RSRP1: variants seen among roughly 807,000 people sequenced by gnomAD.
RSRP1 encodes arginine/serine-rich protein 1.
A neutral mutation model predicts 33.0 loss-of-function variants in RSRP1; 37 were observed. The ratio of observed to expected loss-of-function variants is 1.12; its 90% CI spans 0.86 to 1.48. The LOEUF is 1.48. Among genes scored for constraint, RSRP1 ranks in the 40% most tolerant of loss-of-function variants. The pLI, the probability that RSRP1 is intolerant of heterozygous loss-of-function variation, is 0.00. For synonymous variants in RSRP1, 167 were observed against 158.7 expected (o/e 1.05, Z -0.40); for missense variants, 402 against 385.3 (o/e 1.04, Z -0.36).
chr1:25,338,128 G>C (rs1317301520), upstream of RSRP1: 3 of 152,002 alleles, frequency 2.0e-5, no homozygotes, highest in Admixed American at 6.6e-5. Flanking sequence ...TCAGCACACA[G>C]AGCAACTTCT....
chr1:25,248,574 T>C (rs1448175343), upstream of RSRP1, among the ~76,000 whole-genome samples: 1 of 152,098 alleles, frequency 6.6e-6, no homozygotes, highest in East Asian at 1.9e-4. Context: ...CCTCCTGAAG[T>C]TTTGGGATTA....
intron 1 of RSRP1, among the ~76,000 whole-genome samples, chr1:25,303,664 A>G: frequency 7.7e-6 from 1 of 130,138 alleles, no homozygotes; most frequent in Non-Finnish European, 1.8e-5. Flanking sequence ...AACCCATTTG[A>G]GCTTGCTTGG....
intron 1 of RSRP1, among the ~76,000 whole-genome samples, chr1:25,259,578 C>T (rs1414123681): frequency 6.6e-6 from 1 of 152,018 alleles, no homozygotes; most frequent in Non-Finnish European, 1.5e-5. Context: ...TCTCAGCTCG[C>T]CGCAACCTCC....
rs1464303287 is a variant in RSRP1 at position 25,268,963 on chromosome 1, A to T, written c.-66-21934T>A. On this transcript the variant is annotated intron_variant, in intron 1 of 1. Coordinates refer to the RSRP1 transcript ENST00000561867. ...AACTTCATCTCAAAAAAAAAAAAAA[A>T]AATAGGGCAGTCAGGGAAAACTTTC... Among the ~76,000 whole-genome samples the T allele has an allele frequency of 6.2e-5, 8 of 129,422 alleles. 2 individuals carry two copies. Among genetic ancestry groups the T allele is most frequent in the African/African-American group, 2.1e-4 (8 of 37,982 alleles). 84.9% of individuals were successfully genotyped at this position (129,422 alleles called of 152,430 possible).
chr1:25,285,326 G>A (rs1392131373), intron 1 of RSRP1, among the ~76,000 whole-genome samples: 1 of 133,774 alleles, frequency 7.5e-6, no homozygotes, highest in Non-Finnish European at 1.8e-5. Flanking sequence ...TAGAGATAGG[G>A]TTTCTCCGTG....
In RSRP1 at chr1:25,288,624, T is replaced by A. The variant is rs1228075513; in HGVS notation, c.-66-41595A>T. Among the ~76,000 whole-genome samples the A allele has an allele frequency of 3.1e-5, 4 of 127,336 alleles. 1 individual carries two copies. Among genetic ancestry groups the A allele is most frequent in the Admixed American group, 3.1e-4 (4 of 12,962 alleles). 83.5% of individuals were successfully genotyped at this position (127,336 alleles called of 152,430 possible). ...GGCTCCAGAGGCATTGGGTCCACCT[T>A]ATAAATGGAGGCACCAAGGCACAGA... On this transcript the variant is annotated intron_variant, in intron 1 of 1. Coordinates refer to the RSRP1 transcript ENST00000561867.
At chr1:25,289,070 GATTTGAACCTCAC>G (rs1166397333) in intron 1 of RSRP1, among the ~76,000 whole-genome samples, 1 of 132,564 alleles carries the variant, frequency 7.5e-6, no homozygotes, top group Non-Finnish European at 1.8e-5. Flanking sequence ...AGGCCAGCTG[GATTTGAACCTCAC>G]ATTTGTGATC....
chr1:25,287,627 G>A lies in RSRP1; in HGVS notation c.-66-40598C>T, dbSNP rs187623412. Among the ~76,000 whole-genome samples the A allele has an allele frequency of 3.2e-3, 428 of 135,556 alleles. 3 individuals are homozygous for A. Among genetic ancestry groups the A allele is most frequent in the African/African-American group, 9.8e-3 (387 of 39,350 alleles). 88.9% of individuals were successfully genotyped at this position (135,556 alleles called of 152,430 possible). On this transcript the variant is annotated intron_variant, in intron 1 of 1. Transcript: ENST00000561867. ...AGGGGAGGGGCCTATCTTATTCAAC[G>A]TTGTTGTTTGTTTTCCTCACATACT...
At chr1:25,245,345 T>C in intron 2 of RSRP1, 44 bp from the exon 3 acceptor site, 1 of 1,563,080 alleles carries the variant, frequency 6.4e-7, no homozygotes, top group South Asian at 1.1e-5. Flanking sequence ...ATTAATCTGG[T>C]AGTTATTTCC....
At chr1:25,290,490 C>T in intron 1 of RSRP1, 1 of 725,938 alleles carries the variant, frequency 1.4e-6, no homozygotes, top group South Asian at 1.7e-5. Flanking sequence ...CATCAGCGCC[C>T]AGGTGGGTAG....
At chr1:25,297,834 G>A (rs1643076792) in intron 1 of RSRP1, among the ~76,000 whole-genome samples, 1 of 131,804 alleles carries the variant, frequency 7.6e-6, no homozygotes, top group Admixed American at 7.4e-5. Flanking sequence ...AGTATGGACA[G>A]TTTTAAAAAA....
At position 25,320,508 on chromosome 1, in the gene RSRP1, C is replaced by T. The variant is rs1310214984; in HGVS notation, c.-67+17470G>A. Reference sequence around the variant, plus strand: ...ACTGCGTCATGCTGGTTGTACCCTGCATGCCAATATCAGCTAAAAGCAGCA... The same window carrying T: ...ACTGCGTCATGCTGGTTGTACCCTGTATGCCAATATCAGCTAAAAGCAGCA... On this transcript the variant is annotated intron_variant, in intron 1 of 1. Coordinates refer to the RSRP1 transcript ENST00000561867. 1.5e-5 allele frequency among the ~76,000 whole-genome samples: 2 copies of T among 132,280 alleles called. 1 individual carries two copies. Among genetic ancestry groups the T allele is most frequent in the Non-Finnish European group, 3.6e-5 (2 of 55,822 alleles). 86.8% of individuals were successfully genotyped at this position (132,280 alleles called of 152,430 possible).
rs1643283365 is a variant in RSRP1 at position 25,300,290 on chromosome 1, T to A, written c.-67+37688A>T. On this transcript the variant is annotated intron_variant, in intron 1 of 1. Coordinates refer to the RSRP1 transcript ENST00000561867. ...ATCTCAGCACTTTGGGAGGGAAGGA[T>A]CTCTTGAGCCCAGGAGTTCAAGACC... is the stretch of plus-strand genomic sequence containing the variant. 6.3e-5 allele frequency among the ~76,000 whole-genome samples: 8 copies of A among 127,604 alleles called. 2 individuals carry two copies. In the South Asian group the frequency reaches 1.9e-3, roughly 30 times the overall value. The allele number at this position is 127,604 out of a possible 152,430, so 83.7% of individuals were successfully genotyped here. A position where few individuals can be genotyped will look rare whatever the true frequency, so the allele number is the denominator to read the frequency against.
In RSRP1 at chr1:25,301,810, C is replaced by A; in HGVS notation, c.-67+36168G>T. 3 of 772,296 alleles carry A rather than the reference C, an allele frequency of 3.9e-6. 1 individual carries two copies. The highest frequency in any genetic ancestry group is 6.6e-6 in the Non-Finnish European group (3 of 452,332). 47.8% of individuals were successfully genotyped at this position (772,296 alleles called of 1,614,324 possible). On this transcript the variant is annotated intron_variant, in intron 1 of 1. Transcript: ENST00000561867. Reference sequence around the variant, plus strand: ...GGGCATGCCGGGTGGTGGAGCTGTGCCTGCCTCTACAGTGGAGCTCTAGGT... The same window carrying A: ...GGGCATGCCGGGTGGTGGAGCTGTGACTGCCTCTACAGTGGAGCTCTAGGT...
In RSRP1 at chr1:25,244,012, G is replaced by A. The variant is rs1305568295; in HGVS notation, c.673-379C>T. The A allele has an allele frequency of 2.5e-6, 3 of 1,188,314 alleles. No homozygotes were observed. The East Asian group carries it at 1.8e-4, about 70-fold the overall frequency. The allele number at this position is 1,188,314 out of a possible 1,614,324, so 73.6% of individuals were successfully genotyped here. A position where few individuals can be genotyped will look rare whatever the true frequency, so the allele number is the denominator to read the frequency against. ...CAAAGACCTTGTCTACTAATACTGA[G>A]CAAACCCACATCTGGGCCCAATTAC... On this transcript the variant is annotated intron_variant, in intron 3 of 4. Transcript: ENST00000243189.
intron 2 of RSRP1, 126 bp downstream of exon 2, chr1:25,246,318 C>G: frequency 2.8e-6 from 4 of 1,429,544 alleles, no homozygotes; most frequent in Non-Finnish European, 3.8e-6. Flanking sequence ...CTCCCTCTTT[C>G]CTCCAAAAAG....
In RSRP1 at chr1:25,332,226, G is replaced by T. The variant is rs1425419238; in HGVS notation, c.-67+5752C>A. Among the ~76,000 whole-genome samples, 5 of 127,756 alleles carry T rather than the reference G, an allele frequency of 3.9e-5. 2 individuals are homozygous for T. Among genetic ancestry groups the T allele is most frequent in the Admixed American group, 3.8e-4 (5 of 13,050 alleles). 83.8% of individuals were successfully genotyped at this position (127,756 alleles called of 152,430 possible). A position where few individuals can be genotyped will look rare whatever the true frequency, so the allele number is the denominator to read the frequency against. On this transcript the variant is annotated intron_variant, in intron 1 of 1. Transcript: ENST00000561867. ...TACTTTTTGTATTTTTAGTAGAAAT[G>T]GGGTTTCACCATGTTGGCCAGGATG...
At chr1:25,302,483 A>G (rs1643464663) in intron 1 of RSRP1, among the ~76,000 whole-genome samples, 1 of 129,810 alleles carries the variant, frequency 7.7e-6, no homozygotes, top group East Asian at 2.0e-4. Context: ...CATGAGTTCC[A>G]TGGTGACAGA....
chr1:25,268,364 C>A (rs2124569805), intron 1 of RSRP1, among the ~76,000 whole-genome samples: 1 of 131,288 alleles, frequency 7.6e-6, no homozygotes, highest in African/African-American at 2.6e-5. Context: ...ACTAAAAATA[C>A]AAAAATTAGC....
Sources: allele counts gnomAD v4.1 joint callset (sites outside exome capture counted in the v4.1 genomes callset), GRCh38; gene constraint gnomAD v4.1.1; transcripts MANE v1.5; gene names NCBI Gene and HGNC (gene_info 2026-07-23, HGNC 2026-07-21).